NUP98: variants seen among roughly 807,000 people sequenced by gnomAD.
The protein encoded by NUP98 is nucleoporin 98 and 96 precursor.
A neutral mutation model predicts 191.9 loss-of-function variants in NUP98; 26 were observed. The ratio of observed to expected loss-of-function variants is 0.14; its 90% CI spans 0.10 to 0.19. The LOEUF (loss-of-function observed/expected upper bound fraction) is 0.19, where lower values mean the gene tolerates loss of function less well. Among genes scored for constraint, NUP98 ranks in the 10% least tolerant of loss-of-function variants. The pLI is 1.00. For missense variants in NUP98, 1,941 were observed against 2,178.8 expected, an observed-to-expected ratio of 0.89 and a Z score of 2.17; for synonymous variants, 808 against 778.4, an observed-to-expected ratio of 1.04 and a Z score of -0.63.
rs1157012668 is a variant in NUP98 at position 3,681,626 on chromosome 11, G to A, written c.4918+1574C>T. Among the ~76,000 whole-genome samples, 3 of 150,752 alleles carry A rather than the reference G, an allele frequency of 2.0e-5. No individual in the cohort carries two copies. In the South Asian group the frequency reaches 6.3e-4, roughly 31 times the overall value. On this transcript the variant is annotated intron_variant, in intron 30 of 32. Coordinates refer to ENST00000324932, the MANE Select transcript of NUP98 (RefSeq NM_016320.5). ...TTTGAAAGAAATTTTTTTTTTTTCT[G>A]AGCAGGTTTCAACAGTGGGCTTAAA...
intron 2 of NUP98, among the ~76,000 whole-genome samples, chr11:3,779,547 A>G (rs2081877311): frequency 6.6e-6 from 1 of 152,070 alleles, no homozygotes; most frequent in African/African-American, 2.4e-5. Flanking sequence ...AGGCTGAGGC[A>G]GGAGAACTGC....
rs369122214 is a variant in NUP98 at position 3,746,961 on chromosome 11, G to C, written c.1268-2312C>G. Among the ~76,000 whole-genome samples the C allele has an allele frequency of 2.7e-3, 415 of 152,050 alleles. 3 individuals carry two copies. The highest frequency in any genetic ancestry group is 9.1e-3 in the African/African-American group (378 of 41,492). On this transcript the variant is annotated intron_variant, in intron 11 of 32. Transcript: ENST00000324932. The stretch of plus-strand genomic sequence containing the variant: ...GTGAGGTTTGAGTTGTCTGTAAAGG[G>C]ATTATCATAAAATGACTTGACTACT...
At chr11:3,709,653 A>T (rs921408343) in intron 20 of NUP98, among the ~76,000 whole-genome samples, 1 of 151,782 alleles carries the variant, frequency 6.6e-6, no homozygotes, top group South Asian at 2.1e-4. Context: ...AGCCTGAGGA[A>T]CATAGGAAAA....
chr11:3,780,938 G>A (rs1589958781), intron 2 of NUP98, among the ~76,000 whole-genome samples: 1 of 151,818 alleles, frequency 6.6e-6, no homozygotes, highest in African/African-American at 2.4e-5. Flanking sequence ...AAATTAGCCG[G>A]GCATGGTGCC....
intron 13 of NUP98, among the ~76,000 whole-genome samples, chr11:3,734,478 C>T (rs953449278): frequency 1.3e-5 from 2 of 152,196 alleles, no homozygotes; most frequent in African/African-American, 4.8e-5. Context: ...TAGCCCTCAA[C>T]ATTGAACACT....
At position 3,712,630 on chromosome 11, in the gene NUP98, C is replaced by T; in HGVS notation, c.2676G>A (p.Leu892=). Residue 892 remains leucine (L), a synonymous_variant, in exon 20 of 33, where the codon TTG becomes TTA. Coordinates refer to ENST00000324932, the MANE Select transcript of NUP98 (RefSeq NM_016320.5). ...AGGGCGTAGTCTGGCTTGCAGGAGGCAAAGGAGCAGTCTTCAACTTCTTTG... is the reference window on the plus strand; with the variant it reads ...AGGGCGTAGTCTGGCTTGCAGGAGGTAAAGGAGCAGTCTTCAACTTCTTTG... The part of the protein sequence containing the change: ...TSTKKLKTAP[L]PPASQTTPLQ... 1.9e-6 allele frequency: 3 copies of T among 1,613,912 alleles called. No individual in the cohort carries two copies. Among genetic ancestry groups the T allele is most frequent in the Non-Finnish European group, 2.5e-6 (3 of 1,179,994 alleles).
chr11:3,692,002 AAAGC>A (rs1417654121), intron 27 of NUP98, among the ~76,000 whole-genome samples: 1 of 152,200 alleles, frequency 6.6e-6, no homozygotes, highest in East Asian at 1.9e-4. Flanking sequence ...CCAGGGCAAC[AAAGC>A]AAGATCCCAT....
At chr11:3,794,803 AGG>A (rs1432818648) in intron 1 of NUP98, among the ~76,000 whole-genome samples, 4 of 148,898 alleles carry the variant, frequency 2.7e-5, no homozygotes, top group African/African-American at 9.9e-5. Context: ...TCGTAGAGAC[AGG>A]GTTTCCCCAT....
At chr11:3,724,712 G>A (rs1171328504) in intron 15 of NUP98, among the ~76,000 whole-genome samples, 1 of 144,240 alleles carries the variant, frequency 6.9e-6, no homozygotes, top group Non-Finnish European at 1.5e-5. Context: ...AGAATCGCTT[G>A]AGCATGGGAG....
intron 12 of NUP98, among the ~76,000 whole-genome samples, chr11:3,737,183 T>C (rs2080095882): frequency 6.6e-6 from 1 of 152,124 alleles, no homozygotes; most frequent in Non-Finnish European, 1.5e-5. Context: ...AAATACTACC[T>C]TTTTCCCTTA....
chr11:3,765,729 A>T (rs1473524034), intron 8 of NUP98, among the ~76,000 whole-genome samples: 1 of 150,616 alleles, frequency 6.6e-6, no homozygotes, highest in African/African-American at 2.5e-5. Context: ...TGAACCCAGG[A>T]GGCAGAGGTT....
Position 3,712,658 on chromosome 11 carries a change from C to A in NUP98, c.2648G>T (p.Ser883Ile). Residue 883 changes from serine to isoleucine, a missense_variant, in exon 20 of 33, where the codon AGT (serine) becomes ATT (isoleucine). Around this residue, in one of 6 missense-constraint regions of NUP98, gnomAD observed 95 missense variants for 139.7 expected, o/e 0.68. Transcript: ENST00000324932. ...EEEEEHPSKT[S>I]TKKLKTAPLP... ...AGGAGCAGTCTTCAACTTCTTTGTA[C>A]TAGTTTTAGACGGATGCTCCTCCTC... The A allele has an allele frequency of 6.2e-7, 1 of 1,613,646 alleles. No individual in the cohort carries two copies. Among genetic ancestry groups the A allele is most frequent in the African/African-American group, 1.3e-5 (1 of 75,042 alleles).
rs749931775 is a variant in NUP98 at position 3,702,788 on chromosome 11, G to A, written c.3187C>T (p.Pro1063Ser). The change falls in exon 23 of 33, where the codon CCA (proline) becomes TCA (serine). Residue 1063 changes from proline to serine, a missense_variant. Physicochemically the swap from Pro to Ser is moderately conservative, Grantham distance 74. Around this residue, in one of 6 missense-constraint regions of NUP98, gnomAD observed 1,030 missense variants for 1,115.8 expected, o/e 0.92. Transcript: ENST00000324932. ...TPRAASLMNI[P>S]STSSWSVPPP... ...GGGACAGACCAAGAGGATGTGGATG[G>A]GATATTCATTAAAGATGCTGCTCTG... 9 of 1,613,976 alleles carry A rather than the reference G, an allele frequency of 5.6e-6. No individual in the cohort carries two copies. The highest frequency in any genetic ancestry group is 7.6e-6 in the Non-Finnish European group (9 of 1,180,004).
In NUP98 at chr11:3,686,118, A is replaced by G; in HGVS notation, c.4531T>C (p.Leu1511=). 2 of 1,614,230 alleles carry G rather than the reference A, an allele frequency of 1.2e-6. No homozygotes were observed. Among genetic ancestry groups the G allele is most frequent in the Non-Finnish European group, 1.7e-6 (2 of 1,180,046 alleles). The change falls in exon 29 of 33, where the codon TTG becomes CTG. Residue 1511 remains leucine, a synonymous_variant. Coordinates refer to ENST00000324932, the MANE Select transcript of NUP98 (RefSeq NM_016320.5). The part of the protein sequence containing the change: ...DPLDYRLSWH[L]WEVLRALNYT... ...TTAAGAGCCCTCAGCACTTCCCACA[A>G]GTGCCAGCTTAGGCGGTAGTCCAAA...
At chr11:3,793,972 A>AAAATAAATAAAT (rs75347478) in intron 1 of NUP98, among the ~76,000 whole-genome samples, 23 of 151,880 alleles carry the variant, frequency 1.5e-4, no homozygotes, top group African/African-American at 5.1e-4. Context: ...TCTGTCTCAA[A>AAAATAAATAAAT]AAATAAATAA....
chr11:3,732,992 T>C (rs1196022358), intron 13 of NUP98, among the ~76,000 whole-genome samples: 2 of 152,240 alleles, frequency 1.3e-5, no homozygotes, highest in Non-Finnish European at 2.9e-5. Flanking sequence ...CCTTATCAAA[T>C]TCATCCAAGC....
At position 3,693,364 on chromosome 11, in the gene NUP98, G is replaced by C. The variant is rs376172718; in HGVS notation, c.4179C>G (p.Leu1393=). ...ALLAGKPVWQ[L]SEKKQINVCS... is the part of the protein sequence containing the mutation. ...ACACGTTTATTTGCTTCTTTTCTGAGAGCTGCCACACCTGTGCGAAACAAA... is the reference window on the plus strand; with the variant it reads ...ACACGTTTATTTGCTTCTTTTCTGACAGCTGCCACACCTGTGCGAAACAAA... The change falls in exon 27 of 33, where the codon CTC becomes CTG. Residue 1393 remains leucine (L), a synonymous_variant. Transcript: ENST00000324932. 19 of 1,614,018 alleles carry C rather than the reference G, an allele frequency of 1.2e-5. No homozygotes were observed. In the African/African-American group the frequency reaches 2.1e-4, roughly 18 times the overall value.
chr11:3,710,603 A>G (rs1340822284), intron 20 of NUP98, among the ~76,000 whole-genome samples: 3 of 152,208 alleles, frequency 2.0e-5, no homozygotes, highest in Non-Finnish European at 4.4e-5. Context: ...AGGTGATGGT[A>G]TGCAGTCATC....
chr11:3,697,653 A>T (rs1004326075), intron 25 of NUP98, among the ~76,000 whole-genome samples: 5 of 150,824 alleles, frequency 3.3e-5, no homozygotes, highest in East Asian at 1.9e-4. Flanking sequence ...TACTAAAAAT[A>T]AAAAAAAAGA....
Sources: gnomAD v4.1 joint callset for allele counts (sites outside exome capture counted in the v4.1 genomes callset) on GRCh38, gnomAD v4.1.1 for gene constraint, gnomAD v4.1.1 regional missense constraint, MANE v1.5 for transcripts, NCBI Gene and HGNC (gene_info 2026-07-23, HGNC 2026-07-21) for gene names.